SMCHD1: variants seen among roughly 807,000 people sequenced by gnomAD.
The protein encoded by SMCHD1 is structural maintenance of chromosomes flexible hinge domain containing 1.
SMCHD1 carries 78 observed loss-of-function variants against 254.7 expected under a neutral mutation model. The observed-to-expected ratio is 0.31, with a 90% CI of 0.26 to 0.37. The LOEUF (loss-of-function observed/expected upper bound fraction) is 0.37, where lower values mean the gene tolerates loss of function less well. Ranked by LOEUF, SMCHD1 falls within the 10% of genes least tolerant of loss-of-function variation. The pLI is 1.00. For missense variants in SMCHD1, 1,840 were observed against 2,408.1 expected, an observed-to-expected ratio of 0.76 and a Z score of 4.94; for synonymous variants, 766 against 794.9, an observed-to-expected ratio of 0.96 and a Z score of 0.61.
chr18:2,696,095 A>G (rs1451682580), intron 8 of SMCHD1, among the ~76,000 whole-genome samples: 1 of 152,212 alleles, frequency 6.6e-6, no homozygotes, highest in African/African-American at 2.4e-5. Flanking sequence ...CAATGTTACC[A>G]AAATATAATC....
At chr18:2,671,660 A>G (rs1284032862) in intron 3 of SMCHD1, among the ~76,000 whole-genome samples, 1 of 139,728 alleles carries the variant, frequency 7.2e-6, no homozygotes, top group Admixed American at 7.6e-5. Context: ...CAGTGGCACT[A>G]TTTCGGCTCA....
intron 42 of SMCHD1, 46 bp downstream of exon 42, chr18:2,775,970 GTTTT>G (rs778216558): frequency 3.7e-5 from 53 of 1,431,630 alleles, no homozygotes; most frequent in Non-Finnish European, 4.6e-5. Context: ...TATATTTTCT[GTTTT>G]TTATCAAAGC....
chr18:2,745,251 C>T (rs2075430857), intron 29 of SMCHD1, among the ~76,000 whole-genome samples: 1 of 152,024 alleles, frequency 6.6e-6, no homozygotes, highest in Admixed American at 6.6e-5. Context: ...GCTCCTGGGC[C>T]CAGGCAATTC....
At chr18:2,790,176 T>C (rs1598451732) in intron 45 of SMCHD1, among the ~76,000 whole-genome samples, 1 of 152,098 alleles carries the variant, frequency 6.6e-6, no homozygotes, top group South Asian at 2.1e-4. Flanking sequence ...AGCGAGACTT[T>C]GTCTCAAAAA....
At position 2,748,380 on chromosome 18, in the gene SMCHD1, G is replaced by GTGTATATA. The variant is rs1555646669; in HGVS notation, c.3927+734_3927+741dup. Among the ~76,000 whole-genome samples, 7 of 80,248 alleles carry GTGTATATA rather than the reference G, an allele frequency of 8.7e-5. 2 individuals are homozygous for GTGTATATA. Among genetic ancestry groups the GTGTATATA allele is most frequent in the African/African-American group, 4.1e-4 (6 of 14,560 alleles). 52.6% of individuals were successfully genotyped at this position (80,248 alleles called of 152,430 possible). A position where few individuals can be genotyped will look rare whatever the true frequency, so the allele number is the denominator to read the frequency against. On this transcript the variant is annotated intron_variant, in intron 30 of 47. Coordinates refer to ENST00000320876, the MANE Select transcript of SMCHD1 (RefSeq NM_015295.3). ...TGTGTGTGTGTGTGTGTGTGTGTGT[G>GTGTATATA]TGTATATAAATTTTTTTTTTTTTTT...
intron 7 of SMCHD1, among the ~76,000 whole-genome samples, chr18:2,691,275 A>G (rs941997772): frequency 6.6e-5 from 10 of 152,232 alleles, no homozygotes; most frequent in African/African-American, 2.4e-4. Context: ...CAAAGCTTGT[A>G]TACAACTGTG....
intron 45 of SMCHD1, among the ~76,000 whole-genome samples, chr18:2,793,337 A>C (rs999540931): frequency 1.3e-5 from 2 of 152,182 alleles, no homozygotes; most frequent in Non-Finnish European, 2.9e-5. Flanking sequence ...ACTCATTTAC[A>C]TACAAAATAA....
chr18:2,687,858 C>G (rs2074087251), intron 5 of SMCHD1, among the ~76,000 whole-genome samples: 1 of 152,138 alleles, frequency 6.6e-6, no homozygotes. Flanking sequence ...GCCTCACCTT[C>G]ATTCTGTTTA....
chr18:2,673,571 A>G (rs779665761), intron 4 of SMCHD1, among the ~76,000 whole-genome samples: 10 of 150,188 alleles, frequency 6.7e-5, no homozygotes, highest in Non-Finnish European at 1.3e-4. Context: ...GTAATCTTCT[A>G]CTTTCCCTTA....
At chr18:2,771,466 T>C (rs1253994491) in intron 39 of SMCHD1, 67 bp from the exon 40 acceptor site, 13 of 1,201,524 alleles carry the variant, frequency 1.1e-5, no homozygotes, top group Admixed American at 2.7e-5. Flanking sequence ...AACTTTAAAA[T>C]ATTTTTCAAA....
chr18:2,664,225 C>G (rs1393856806), intron 1 of SMCHD1, among the ~76,000 whole-genome samples: 1 of 152,100 alleles, frequency 6.6e-6, no homozygotes, highest in Admixed American at 6.6e-5. Flanking sequence ...TATGTATTAT[C>G]AAACCATTAA....
intron 5 of SMCHD1, among the ~76,000 whole-genome samples, chr18:2,686,181 C>A (rs899292186): frequency 3.3e-5 from 5 of 152,092 alleles, no homozygotes; most frequent in Non-Finnish European, 7.4e-5. Flanking sequence ...GCTTGACTTT[C>A]AAAAAATTTA....
At chr18:2,704,854 G>A (rs2074480077) in intron 13 of SMCHD1, among the ~76,000 whole-genome samples, 1 of 152,074 alleles carries the variant, frequency 6.6e-6, no homozygotes, top group South Asian at 2.1e-4. Context: ...GAGGTAAAAG[G>A]ATTGAGCCTG....
At chr18:2,671,597 T>TTC (rs1260875724) in intron 3 of SMCHD1, among the ~76,000 whole-genome samples, 1 of 141,498 alleles carries the variant, frequency 7.1e-6, no homozygotes, top group Non-Finnish European at 1.5e-5. Flanking sequence ...TTTCTTTTCT[T>TTC]TTTTTTTTTT....
intron 19 of SMCHD1, among the ~76,000 whole-genome samples, chr18:2,719,257 C>CCTCTCCTCTCTCCT (rs1555638451): frequency 1.3e-5 from 2 of 150,134 alleles, no homozygotes; most frequent in African/African-American, 4.9e-5. Flanking sequence ...TCTCTCCTCT[C>CCTCTCCTCTCTCCT]CTCTCCTCTC....
intron 24 of SMCHD1, among the ~76,000 whole-genome samples, chr18:2,731,497 A>C (rs1366560994): frequency 6.6e-6 from 1 of 152,144 alleles, no homozygotes; most frequent in Non-Finnish European, 1.5e-5. Flanking sequence ...GCTATAAACA[A>C]CCTTGATCAC....
chr18:2,794,371 GAGCTATTGCCTGTAA>G (rs2076222769), intron 45 of SMCHD1, among the ~76,000 whole-genome samples: 1 of 151,970 alleles, frequency 6.6e-6, no homozygotes. Flanking sequence ...CCTGTAATCC[GAGCTATTGCCTGTAA>G]TCCGAGCTAT....
chr18:2,682,301 TTTC>T (rs1351395397), intron 5 of SMCHD1, among the ~76,000 whole-genome samples: 1 of 151,472 alleles, frequency 6.6e-6, no homozygotes, highest in Admixed American at 6.6e-5. Context: ...AACTTTTTCT[TTTC>T]TTTCTTCTTC....
At chr18:2,777,091 GAGA>G (rs1326013948) in intron 42 of SMCHD1, among the ~76,000 whole-genome samples, 2 of 144,412 alleles carry the variant, frequency 1.4e-5, no homozygotes, top group African/African-American at 5.1e-5. Context: ...TACTTTTTGT[GAGA>G]AGAATTTTTT....
Sources: allele counts gnomAD v4.1 joint callset (sites outside exome capture counted in the v4.1 genomes callset), GRCh38; gene constraint gnomAD v4.1.1; transcripts MANE v1.5; gene names NCBI Gene and HGNC (gene_info 2026-07-23, HGNC 2026-07-21).